GARRE1: variants seen among roughly 807,000 people sequenced by gnomAD.
The protein encoded by GARRE1 is granule associated Rac and RHOG effector 1, also known as granule associated Rac and RHOG effector protein 1.
GARRE1 carries 49 observed loss-of-function variants against 103.2 expected under a neutral mutation model. That is an observed-to-expected ratio of 0.47 (90% CI 0.38 to 0.60). GARRE1 has a LOEUF of 0.60. GARRE1 is among the 20% of genes least tolerant of loss of function. The pLI, the probability that GARRE1 is intolerant of heterozygous loss-of-function variation, is 0.00. For synonymous variants in GARRE1, 505 were observed against 532.8 expected, an observed-to-expected ratio of 0.95 and a Z score of 0.72; for missense variants, 1,199 against 1,370.5, an observed-to-expected ratio of 0.87 and a Z score of 1.98.
At chr19:34,301,721 C>T (rs1263229821) in intron 2 of GARRE1, among the ~76,000 whole-genome samples, 2 of 148,294 alleles carry the variant, frequency 1.3e-5, no homozygotes, top group African/African-American at 5.0e-5. Context: ...CCTGCTCCGT[C>T]GCCCAGGCTG....
chr19:34,288,906 C>T (rs768914738), intron 1 of GARRE1, among the ~76,000 whole-genome samples: 7 of 149,362 alleles, frequency 4.7e-5, no homozygotes, highest in Non-Finnish European at 7.4e-5. Context: ...CCGAGGCAGT[C>T]GGATCAGTTG....
chr19:34,273,776 T>C (rs1269005176), intron 1 of GARRE1, among the ~76,000 whole-genome samples: 4 of 152,202 alleles, frequency 2.6e-5, no homozygotes, highest in East Asian at 3.9e-4. Flanking sequence ...AAGTTAGACA[T>C]CCAAGAGGAA....
intron 9 of GARRE1, 49 bp downstream of exon 9, chr19:34,340,041 T>G: frequency 6.2e-7 from 1 of 1,601,456 alleles, no homozygotes; most frequent in South Asian, 1.1e-5. Context: ...ACAGTGTGAC[T>G]ATGCACAGTT....
chr19:34,349,070 T>G lies in GARRE1; in HGVS notation c.2742T>G (p.Ser914Arg). The G allele has an allele frequency of 6.2e-7, 1 of 1,612,666 alleles. No individual in the cohort carries two copies. Among genetic ancestry groups the G allele is most frequent in the Non-Finnish European group, 8.5e-7 (1 of 1,179,994 alleles). The change falls in exon 12 of 14, where the codon AGT (serine) becomes AGG (arginine). Residue 914 changes from serine (S) to arginine (R), a missense_variant. By Grantham distance (110) the Ser-to-Arg change is moderately radical (BLOSUM62 -1). Coordinates refer to ENST00000299505, the MANE Select transcript of GARRE1 (RefSeq NM_014686.5). Reference protein sequence around the residue: ...SGAQGDSASSSDETSSANGDS... With the variant: ...SGAQGDSASSRDETSSANGDS... The stretch of plus-strand genomic sequence containing the variant: ...CTCAGGGAGACTCTGCCAGCTCGAG[T>G]GATGAGACATCCTCAGCCAACGGGG...
At chr19:34,302,862 A>T (rs2073987835) in intron 2 of GARRE1, among the ~76,000 whole-genome samples, 1 of 150,602 alleles carries the variant, frequency 6.6e-6, no homozygotes, top group Non-Finnish European at 1.5e-5. Context: ...CTCCTGCCTC[A>T]GCCTCCTGAG....
At chr19:34,332,510 C>T (rs749908053) in intron 7 of GARRE1, among the ~76,000 whole-genome samples, 10 of 151,098 alleles carry the variant, frequency 6.6e-5, no homozygotes, top group African/African-American at 9.7e-5. Flanking sequence ...TAGTTCCTTG[C>T]GTCTTGATTG....
At chr19:34,298,844 T>A (rs2073961675) in intron 1 of GARRE1, among the ~76,000 whole-genome samples, 1 of 152,222 alleles carries the variant, frequency 6.6e-6, no homozygotes, top group Non-Finnish European at 1.5e-5. Context: ...AGAGTCACAG[T>A]ATTCCGCTGT....
chr19:34,348,347 T>C, intron 11 of GARRE1: 1 of 252,736 alleles, frequency 4.0e-6, no homozygotes, highest in Admixed American at 5.5e-5. Flanking sequence ...TGAAGGCATG[T>C]TTCACACGGC....
Position 34,313,679 on chromosome 19 carries a change from CAT to C in GARRE1, c.496-6227_496-6226del, listed in dbSNP as rs929425256. On this transcript the variant is annotated intron_variant, in intron 2 of 13. Transcript: ENST00000299505. ...GACAAATTTTAACAAAAAGTACACT[CAT>C]GTGAACAAAAAGAATTTTCTGACCT... 7.8e-4 allele frequency among the ~76,000 whole-genome samples: 119 copies of C among 152,284 alleles called. 3 individuals carry two copies. The highest frequency in any genetic ancestry group is 4.7e-3 in the Admixed American group (72 of 15,300).
intron 2 of GARRE1, among the ~76,000 whole-genome samples, chr19:34,315,035 G>A (rs1001767800): frequency 1.3e-5 from 2 of 152,126 alleles, no homozygotes; most frequent in African/African-American, 4.8e-5. Context: ...AGAAAGAAAT[G>A]ATTGAATGCT....
At chr19:34,261,861 G>A (rs1014454040) in intron 1 of GARRE1, among the ~76,000 whole-genome samples, 1 of 152,124 alleles carries the variant, frequency 6.6e-6, no homozygotes, top group African/African-American at 2.4e-5. Context: ...GACTCACTGC[G>A]CTAACCAGGT....
intron 1 of GARRE1, among the ~76,000 whole-genome samples, chr19:34,292,778 A>G (rs1418978431): frequency 1.3e-5 from 2 of 150,184 alleles, no homozygotes; most frequent in Non-Finnish European, 3.0e-5. Context: ...TCCATCACCC[A>G]GGGTGGAATG....
At chr19:34,258,459 T>C (rs990640213) in intron 1 of GARRE1, among the ~76,000 whole-genome samples, 1 of 152,112 alleles carries the variant, frequency 6.6e-6, no homozygotes, top group South Asian at 2.1e-4. Flanking sequence ...CCTGGACATG[T>C]TCCTGAGGCC....
intron 11 of GARRE1, 96 bp from the exon 12 acceptor site, chr19:34,348,920 G>A (rs2074224715): frequency 7.1e-7 from 1 of 1,412,292 alleles, no homozygotes; most frequent in East Asian, 2.3e-5. Context: ...ATTTGGTTAT[G>A]GGATGAATGC....
At chr19:34,318,058 C>T (rs2074068106) in intron 2 of GARRE1, among the ~76,000 whole-genome samples, 1 of 152,170 alleles carries the variant, frequency 6.6e-6, no homozygotes, top group African/African-American at 2.4e-5. Flanking sequence ...CTCTGGAGGG[C>T]AAGTGCTTTG....
At chr19:34,326,336 A>G (rs2074111719) in intron 3 of GARRE1, among the ~76,000 whole-genome samples, 1 of 152,250 alleles carries the variant, frequency 6.6e-6, no homozygotes, top group South Asian at 2.1e-4. Context: ...TAACTGCTAA[A>G]AAATGTTACT....
In GARRE1 at chr19:34,353,569, G is replaced by A. The variant is rs989686410; in HGVS notation, c.*614G>A. ...AATGGGCAAAATATAGAATATTTGTGATTGGAAGCAGTCACCTGGGGTTTC... is the reference window on the plus strand; with the variant it reads ...AATGGGCAAAATATAGAATATTTGTAATTGGAAGCAGTCACCTGGGGTTTC... On this transcript the variant is annotated 3_prime_UTR_variant, in exon 14 of 14. Transcript: ENST00000299505. 1 of 152,244 alleles carries A rather than the reference G, an allele frequency of 6.6e-6. No individual in the cohort carries two copies. The highest frequency in any genetic ancestry group is 2.4e-5 in the African/African-American group (1 of 41,454). The allele number at this position is 152,244 out of a possible 1,614,324, so 9.4% of individuals were successfully genotyped here.
At chr19:34,269,170 T>G (rs1266318181) in intron 1 of GARRE1, among the ~76,000 whole-genome samples, 1 of 152,232 alleles carries the variant, frequency 6.6e-6, no homozygotes, top group South Asian at 2.1e-4. Context: ...TTGCTTTGGC[T>G]TCATAGAGGA....
At chr19:34,310,227 C>T in intron 2 of GARRE1, among the ~76,000 whole-genome samples, 1 of 152,206 alleles carries the variant, frequency 6.6e-6, no homozygotes, top group East Asian at 1.9e-4. Flanking sequence ...TTCTAGTCAG[C>T]TTAGGAGATC....
Sources: gnomAD v4.1 joint callset for allele counts (sites outside exome capture counted in the v4.1 genomes callset) on GRCh38, gnomAD v4.1.1 for gene constraint, MANE v1.5 for transcripts, NCBI Gene and HGNC (gene_info 2026-07-23, HGNC 2026-07-21) for gene names.